Variants in WDR7 observed in about 807,000 individuals in gnomAD.
WDR7 encodes WD repeat domain 7.
In WDR7, 46 loss-of-function variants were observed where a neutral mutation model predicts 169.4. The observed-to-expected ratio is 0.27, with a 90% CI of 0.21 to 0.35. The LOEUF (loss-of-function observed/expected upper bound fraction) is 0.35, where lower values mean the gene tolerates loss of function less well. Ranked by LOEUF, WDR7 falls within the 10% of genes least tolerant of loss-of-function variation. The probability of loss-of-function intolerance (pLI) is 1.00; values close to 1 mark genes in which losing one functional copy is unlikely to be tolerated. For synonymous variants in WDR7, 612 were observed against 666.8 expected (o/e 0.92, Z 1.27); for missense variants, 1,534 against 1,859.3 (o/e 0.83, Z 3.22).
chr18:56,814,443 G>A (rs1410899901), intron 19 of WDR7, among the ~76,000 whole-genome samples: 1 of 152,040 alleles, frequency 6.6e-6, no homozygotes, highest in Non-Finnish European at 1.5e-5. Flanking sequence ...TTAGGAATGT[G>A]ATGTTTACCT....
At chr18:56,939,211 T>C in intron 24 of WDR7, 100 bp from the exon 25 acceptor site, 2 of 787,904 alleles carry the variant, frequency 2.5e-6, no homozygotes, top group South Asian at 4.7e-5. Context: ...AATAAAGCTA[T>C]ATAGACTTTC....
At chr18:56,956,463 A>G (rs1488773811) in intron 25 of WDR7, among the ~76,000 whole-genome samples, 1 of 152,078 alleles carries the variant, frequency 6.6e-6, no homozygotes, top group Non-Finnish European at 1.5e-5. Flanking sequence ...GCTGTTGACC[A>G]ATTCTCTGAG....
At chr18:56,961,125 C>T (rs1377977425) in intron 25 of WDR7, among the ~76,000 whole-genome samples, 1 of 151,994 alleles carries the variant, frequency 6.6e-6, no homozygotes, top group African/African-American at 2.4e-5. Flanking sequence ...GGTTTGTTTT[C>T]CAGATTTATG....
intron 20 of WDR7, among the ~76,000 whole-genome samples, chr18:56,838,118 A>T (rs1178408651): frequency 6.6e-6 from 1 of 152,222 alleles, no homozygotes; most frequent in Non-Finnish European, 1.5e-5. Flanking sequence ...CTGCATTATG[A>T]TGATATATAA....
chr18:56,758,836 T>C (rs1191709344), intron 15 of WDR7, 29 bp from the exon 16 acceptor site: 10 of 1,545,294 alleles, frequency 6.5e-6, no homozygotes, highest in African/African-American at 1.4e-5. Flanking sequence ...TATCAAAATA[T>C]ATCTTGTATT....
intron 22 of WDR7, 106 bp downstream of exon 22, chr18:56,924,214 T>A: frequency 7.3e-6 from 9 of 1,238,416 alleles, no homozygotes; most frequent in Non-Finnish European, 1.1e-6. Context: ...GTTTAATAGA[T>A]AAAAAATACA....
Position 56,855,940 on chromosome 18 carries a change from A to G in WDR7, c.3305-24004A>G, listed in dbSNP as rs558394321. Among the ~76,000 whole-genome samples the G allele has an allele frequency of 2.6e-5, 4 of 152,270 alleles. No homozygotes were observed. In the East Asian group the frequency reaches 5.8e-4, roughly 22 times the overall value. ...TGCTCTTTGTAAGTAAATGTGTCCCAAAGAGAGGGGAAGGGGCTCAGCTAT... is the reference window on the plus strand; with the variant it reads ...TGCTCTTTGTAAGTAAATGTGTCCCGAAGAGAGGGGAAGGGGCTCAGCTAT... On this transcript the variant is annotated intron_variant, in intron 20 of 27. Coordinates refer to ENST00000254442, the MANE Select transcript of WDR7 (RefSeq NM_015285.3).
intron 20 of WDR7, among the ~76,000 whole-genome samples, chr18:56,843,021 A>G (rs2045510494): frequency 6.6e-6 from 1 of 152,152 alleles, no homozygotes; most frequent in African/African-American, 2.4e-5. Flanking sequence ...AACTAGTGCT[A>G]TAAGCAGCTG....
chr18:57,023,120 C>A (rs534795629), intron 27 of WDR7, among the ~76,000 whole-genome samples: 2 of 152,312 alleles, frequency 1.3e-5, no homozygotes, highest in Non-Finnish European at 2.9e-5. Context: ...GATACAAAAA[C>A]AAGTCCTTTC....
intron 4 of WDR7, among the ~76,000 whole-genome samples, 160 bp from the exon 5 acceptor site, chr18:56,682,519 A>G (rs1471325709): frequency 6.6e-6 from 1 of 152,208 alleles, no homozygotes; most frequent in African/African-American, 2.4e-5. Context: ...GTGCACATAC[A>G]CCCATATAAT....
chr18:56,653,175 G>C (rs1211562492), intron 1 of WDR7, among the ~76,000 whole-genome samples: 1 of 151,210 alleles, frequency 6.6e-6, no homozygotes, highest in Non-Finnish European at 1.5e-5. Flanking sequence ...TCAATGGGCT[G>C]TTCAAGGCAT....
At chr18:56,786,708 G>A (rs534524730) in intron 19 of WDR7, among the ~76,000 whole-genome samples, 1 of 152,000 alleles carries the variant, frequency 6.6e-6, no homozygotes, top group African/African-American at 2.4e-5. Context: ...GATAAATTGA[G>A]GATAAGTGCA....
chr18:56,935,747 T>C, intron 22 of WDR7, 41 bp from the exon 23 acceptor site: 1 of 1,576,318 alleles, frequency 6.3e-7, no homozygotes, highest in South Asian at 1.1e-5. Flanking sequence ...ATATTTCTAA[T>C]GCTTCTTTTC....
intron 26 of WDR7, among the ~76,000 whole-genome samples, chr18:56,991,224 G>A (rs554967508): frequency 3.3e-4 from 46 of 140,682 alleles, no homozygotes; most frequent in Admixed American, 8.8e-4. Flanking sequence ...GCGGCTCACC[G>A]CAAGCTCCGC....
intron 20 of WDR7, among the ~76,000 whole-genome samples, chr18:56,850,932 C>T (rs1358787808): frequency 2.6e-5 from 4 of 152,124 alleles, no homozygotes; most frequent in African/African-American, 9.7e-5. Context: ...TTAATTCCTG[C>T]TTCCTCACTG....
At chr18:56,909,907 T>G (rs2046530391) in intron 21 of WDR7, among the ~76,000 whole-genome samples, 1 of 152,166 alleles carries the variant, frequency 6.6e-6, no homozygotes, top group African/African-American at 2.4e-5. Context: ...CAATAAGGTA[T>G]GAGGCAACTA....
intron 12 of WDR7, among the ~76,000 whole-genome samples, chr18:56,705,567 C>G (rs1477836612): frequency 2.6e-5 from 4 of 152,134 alleles, no homozygotes; most frequent in Admixed American, 2.6e-4. Context: ...TAGCATTATG[C>G]ATGTTATGTG....
intron 1 of WDR7, among the ~76,000 whole-genome samples, chr18:56,667,231 T>C (rs2025044599): frequency 6.6e-6 from 1 of 152,194 alleles, no homozygotes; most frequent in African/African-American, 2.4e-5. Context: ...CCTGTGGCCT[T>C]ACGTATTTCG....
intron 20 of WDR7, 38 bp downstream of exon 20, chr18:56,816,182 G>A (rs769844642): frequency 1.3e-6 from 2 of 1,539,698 alleles, no homozygotes; most frequent in South Asian, 1.2e-5. Flanking sequence ...TTGGAGCTTT[G>A]TTTGATATTG....
Sources: allele counts gnomAD v4.1 joint callset (sites outside exome capture counted in the v4.1 genomes callset), GRCh38; gene constraint gnomAD v4.1.1; transcripts MANE v1.5; gene names NCBI Gene and HGNC (gene_info 2026-07-23, HGNC 2026-07-21).